Variants in GAB1 observed in about 807,000 individuals in gnomAD.
The protein encoded by GAB1 is GRB2-associated-binding protein 1.
In GAB1, 19 loss-of-function variants were observed where a neutral mutation model predicts 66.5. That is an observed-to-expected ratio of 0.29 (90% CI 0.20 to 0.42). The LOEUF (loss-of-function observed/expected upper bound fraction) is 0.42. GAB1 is among the 10% of genes least tolerant of loss of function. GAB1 has a pLI of 1.00. For synonymous variants in GAB1, 294 were observed against 301.4 expected (o/e 0.98, Z 0.25); for missense variants, 732 against 858.5 (o/e 0.85, Z 1.84).
chr4:143,450,541 G>C (rs1202780506), intron 6 of GAB1, among the ~76,000 whole-genome samples: 1 of 152,128 alleles, frequency 6.6e-6, no homozygotes. Context: ...CTGTATTTGA[G>C]ATGACCGACT....
intron 3 of GAB1, among the ~76,000 whole-genome samples, chr4:143,436,290 T>C (rs1733936920): frequency 6.6e-6 from 1 of 152,126 alleles, no homozygotes; most frequent in African/African-American, 2.4e-5. Flanking sequence ...GGAGAGCCTC[T>C]TGAAGAATAG....
chr4:143,383,891 C>A (rs1730767454), intron 1 of GAB1, among the ~76,000 whole-genome samples: 4 of 151,980 alleles, frequency 2.6e-5, no homozygotes, highest in Admixed American at 2.6e-4. Context: ...CTTGGTCAAC[C>A]TAGCAAGAGC....
At chr4:143,361,455 A>T (rs1164772267) in intron 1 of GAB1, among the ~76,000 whole-genome samples, 1 of 152,204 alleles carries the variant, frequency 6.6e-6, no homozygotes, top group Non-Finnish European at 1.5e-5. Flanking sequence ...CCTGACTTGC[A>T]GTATCAGTCA....
intron 9 of GAB1, among the ~76,000 whole-genome samples, chr4:143,468,492 C>T (rs1241802490): frequency 7.9e-5 from 12 of 151,392 alleles, no homozygotes; most frequent in East Asian, 5.9e-4. Context: ...GGATTATAGG[C>T]GTGAGCCACT....
At chr4:143,423,744 C>G (rs1316432221) in intron 2 of GAB1, among the ~76,000 whole-genome samples, 6 of 137,274 alleles carry the variant, frequency 4.4e-5, no homozygotes, top group Non-Finnish European at 9.3e-5. Flanking sequence ...CCACTGCACT[C>G]CAGCCTGGGC....
chr4:143,384,374 T>C (rs1730799708), intron 1 of GAB1, among the ~76,000 whole-genome samples: 1 of 152,254 alleles, frequency 6.6e-6, no homozygotes, highest in Non-Finnish European at 1.5e-5. Flanking sequence ...AACATTTCTT[T>C]CCTTTAAATT....
chr4:143,348,734 C>G (rs1194199520), intron 1 of GAB1, among the ~76,000 whole-genome samples: 4 of 152,224 alleles, frequency 2.6e-5, no homozygotes, highest in Admixed American at 6.5e-5. Flanking sequence ...TGCCTCTTCC[C>G]TTGGCTTGCA....
intron 1 of GAB1, among the ~76,000 whole-genome samples, chr4:143,349,099 C>T (rs1352714828): frequency 6.6e-6 from 1 of 152,208 alleles, no homozygotes; most frequent in Non-Finnish European, 1.5e-5. Context: ...CTTATTTCCC[C>T]TCCCATGGTG....
At position 143,464,670 on chromosome 4, in the gene GAB1, A is replaced by AT. The variant is rs1229372288; in HGVS notation, c.1804-1431dup. ...CATACTGCATACCTGATTATATGAA[A>AT]TTCAGGCTATGTGCTGCTCACCAAG... On this transcript the variant is annotated intron_variant, in intron 8 of 9. Transcript: ENST00000262994. 2.6e-5 allele frequency among the ~76,000 whole-genome samples: 4 copies of AT among 152,314 alleles called. No individual in the cohort carries two copies. The East Asian group carries it at 7.7e-4, about 29-fold the overall frequency.
At position 143,345,007 on chromosome 4, in the gene GAB1, C is replaced by G. The variant is rs144806841; in HGVS notation, c.72+7747C>G. On this transcript the variant is annotated intron_variant, in intron 1 of 9. Transcript: ENST00000262994. ...CATTCTGATTACAACTTGTAGCTGC[C>G]AAGCCCTGTCCTGCAGTATTATCTG... Among the ~76,000 whole-genome samples, 782 of 152,270 alleles carry G rather than the reference C, an allele frequency of 5.1e-3. 5 individuals are homozygous for G. Among genetic ancestry groups the G allele is most frequent in the African/African-American group, 0.018 (730 of 41,532 alleles).
intron 2 of GAB1, among the ~76,000 whole-genome samples, chr4:143,429,437 G>A (rs1283287911): frequency 1.1e-4 from 17 of 152,032 alleles, no homozygotes; most frequent in Admixed American, 1.0e-3. Flanking sequence ...CTTTTAGATC[G>A]ACTTTGTTCC....
At chr4:143,457,942 C>T (rs1735282014) in intron 6 of GAB1, among the ~76,000 whole-genome samples, 2 of 152,132 alleles carry the variant, frequency 1.3e-5, no homozygotes, top group African/African-American at 4.8e-5. Context: ...AATGAGTCTA[C>T]TTACTCTGCC....
chr4:143,461,156 A>G (rs1028977162), intron 8 of GAB1, among the ~76,000 whole-genome samples: 8 of 152,212 alleles, frequency 5.3e-5, no homozygotes, highest in Non-Finnish European at 1.0e-4. Flanking sequence ...ACCAATTTTA[A>G]TTTTTAAAAA....
At chr4:143,415,235 A>G (rs928993928) in intron 1 of GAB1, among the ~76,000 whole-genome samples, 2 of 152,158 alleles carry the variant, frequency 1.3e-5, no homozygotes, top group African/African-American at 2.4e-5. Context: ...TCAATATTAT[A>G]TAGTAGGAGA....
intron 6 of GAB1, among the ~76,000 whole-genome samples, chr4:143,449,243 G>A (rs956052278): frequency 1.3e-5 from 2 of 151,338 alleles, no homozygotes; most frequent in South Asian, 4.2e-4. Flanking sequence ...GTGTGGTGTG[G>A]TGCTGAAAAA....
In GAB1 at chr4:143,415,847, G is replaced by A. The variant is rs569049975; in HGVS notation, c.367+76G>A. On this transcript the variant is annotated intron_variant, in intron 2 of 9. Coordinates refer to ENST00000262994, the MANE Select transcript of GAB1 (RefSeq NM_002039.4). ...TTCCAGAAATGTCATACAATTCTTTGTTATTTTAGTTACACAATATAATGT... is the reference window on the plus strand; with the variant it reads ...TTCCAGAAATGTCATACAATTCTTTATTATTTTAGTTACACAATATAATGT... The A allele has an allele frequency of 6.8e-5, 75 of 1,099,856 alleles. 1 individual carries two copies. In the Admixed American group the frequency reaches 1.5e-3, roughly 22 times the overall value. 68.1% of individuals were successfully genotyped at this position (1,099,856 alleles called of 1,614,324 possible). A position where few individuals can be genotyped will look rare whatever the true frequency, so the allele number is the denominator to read the frequency against.
intron 4 of GAB1, among the ~76,000 whole-genome samples, chr4:143,438,976 G>C (rs555330610): frequency 6.6e-6 from 1 of 152,126 alleles, no homozygotes; most frequent in South Asian, 2.1e-4. Context: ...CATTATGGCC[G>C]CTTCTAAGTC....
chr4:143,377,098 T>G (rs528942374), intron 1 of GAB1, among the ~76,000 whole-genome samples: 6 of 141,840 alleles, frequency 4.2e-5, no homozygotes, highest in Admixed American at 1.4e-4. Context: ...AGTCTGGTGG[T>G]TTTTTTTTTT....
At chr4:143,349,359 A>G (rs1729101509) in intron 1 of GAB1, 11 of 1,051,862 alleles carry the variant, frequency 1.0e-5, no homozygotes, top group Non-Finnish European at 1.6e-5. Context: ...TGAAGTCCTG[A>G]TAGGGAGACT....
Sources: allele counts gnomAD v4.1 joint callset (sites outside exome capture counted in the v4.1 genomes callset), GRCh38; gene constraint gnomAD v4.1.1; transcripts MANE v1.5; gene names NCBI Gene and HGNC (gene_info 2026-07-23, HGNC 2026-07-21).